Variants in IMMP2L observed in about 807,000 individuals in gnomAD.
The protein encoded by IMMP2L is mitochondrial inner membrane protease subunit 2.
IMMP2L carries 18 observed loss-of-function variants against 19.3 expected under a neutral mutation model. The observed-to-expected ratio is 0.93, with a 90% CI of 0.64 to 1.38. IMMP2L has a LOEUF of 1.38. Among genes scored for constraint, IMMP2L ranks in the 40% most tolerant of loss-of-function variants. IMMP2L has a pLI of 0.00. For missense variants in IMMP2L, 233 were observed against 218.2 expected, an observed-to-expected ratio of 1.07 and a Z score of -0.43; for synonymous variants, 76 against 73.0, an observed-to-expected ratio of 1.04 and a Z score of -0.21.
At chr7:111,042,416 A>G (rs1791986071) in intron 3 of IMMP2L, among the ~76,000 whole-genome samples, 1 of 152,126 alleles carries the variant, frequency 6.6e-6, no homozygotes, top group African/African-American at 2.4e-5. Flanking sequence ...CCTGACCTCA[A>G]GAGATCCACC....
chr7:110,859,429 A>G (rs1264373013), intron 5 of IMMP2L, among the ~76,000 whole-genome samples: 5 of 151,922 alleles, frequency 3.3e-5, no homozygotes, highest in African/African-American at 1.2e-4. Flanking sequence ...TAGTACAAAT[A>G]TTGATTTTTT....
chr7:111,300,996 G>A (rs1822168929), intron 3 of IMMP2L, among the ~76,000 whole-genome samples: 2 of 152,006 alleles, frequency 1.3e-5, no homozygotes. Context: ...TGCATGTTTA[G>A]GTTCATAGGA....
intron 5 of IMMP2L, among the ~76,000 whole-genome samples, chr7:110,875,092 G>A (rs1288215254): frequency 6.6e-6 from 1 of 152,058 alleles, no homozygotes; most frequent in East Asian, 1.9e-4. Flanking sequence ...GAATTTTGGA[G>A]GGGATTCAAA....
chr7:110,767,640 T>C (rs866314462), intron 5 of IMMP2L, among the ~76,000 whole-genome samples: 2 of 152,172 alleles, frequency 1.3e-5, no homozygotes, highest in Non-Finnish European at 2.9e-5. Context: ...TCACATACCA[T>C]ATATTCAGTC....
At chr7:110,769,939 G>A (rs932979765) in intron 5 of IMMP2L, among the ~76,000 whole-genome samples, 4 of 150,064 alleles carry the variant, frequency 2.7e-5, no homozygotes, top group Admixed American at 6.6e-5. Flanking sequence ...AAAAACCAAC[G>A]GGTTGACTAT....
chr7:110,784,634 T>C (rs1375876275), intron 5 of IMMP2L, among the ~76,000 whole-genome samples: 1 of 152,014 alleles, frequency 6.6e-6, no homozygotes, highest in Non-Finnish European at 1.5e-5. Context: ...ATCATGGTTC[T>C]AGGATAAAAA....
intron 3 of IMMP2L, among the ~76,000 whole-genome samples, chr7:111,253,530 G>A (rs1816372630): frequency 6.6e-6 from 1 of 152,168 alleles, no homozygotes; most frequent in Admixed American, 6.5e-5. Flanking sequence ...ATTTGGCTGT[G>A]AAGACTGCCA....
intron 3 of IMMP2L, among the ~76,000 whole-genome samples, chr7:111,173,567 G>A: frequency 6.6e-6 from 1 of 151,600 alleles, no homozygotes; most frequent in East Asian, 1.9e-4. Flanking sequence ...TGGTTTGGAG[G>A]CTATACACTC....
chr7:111,016,501 T>A (rs1825573166), intron 3 of IMMP2L, among the ~76,000 whole-genome samples: 1 of 122,870 alleles, frequency 8.1e-6, no homozygotes, highest in Admixed American at 1.0e-4. Context: ...ATAATATATA[T>A]TTTATGTATT....
chr7:111,194,048 G>A (rs1019195180), intron 3 of IMMP2L, among the ~76,000 whole-genome samples: 1 of 152,064 alleles, frequency 6.6e-6, no homozygotes, highest in Non-Finnish European at 1.5e-5. Context: ...CTGTCTCTTC[G>A]GGATTTGGCA....
chr7:110,954,717 T>C (rs886814896), intron 4 of IMMP2L, among the ~76,000 whole-genome samples: 4 of 152,108 alleles, frequency 2.6e-5, no homozygotes, highest in African/African-American at 9.7e-5. Flanking sequence ...TTTGTGCTCA[T>C]GGCTTCTACA....
At chr7:111,047,650 T>C (rs1792538099) in intron 3 of IMMP2L, among the ~76,000 whole-genome samples, 1 of 152,142 alleles carries the variant, frequency 6.6e-6, no homozygotes, top group Non-Finnish European at 1.5e-5. Context: ...TATGCTAATA[T>C]CTAATTATGT....
chr7:110,794,270 T>A (rs1291735900), intron 5 of IMMP2L, among the ~76,000 whole-genome samples: 1 of 152,102 alleles, frequency 6.6e-6, no homozygotes, highest in African/African-American at 2.4e-5. Flanking sequence ...AGCAGATGAA[T>A]AGATTTAGTA....
At chr7:111,224,484 T>A (rs1812865381) in intron 3 of IMMP2L, among the ~76,000 whole-genome samples, 1 of 152,202 alleles carries the variant, frequency 6.6e-6, no homozygotes, top group Non-Finnish European at 1.5e-5. Flanking sequence ...AAAGGTGTTT[T>A]AAATACCATC....
intron 4 of IMMP2L, among the ~76,000 whole-genome samples, chr7:110,937,664 T>G (rs574681297): frequency 7.9e-5 from 12 of 152,308 alleles, no homozygotes; most frequent in African/African-American, 2.9e-4. Context: ...GAAAGGTCAC[T>G]TTTTGACTCA....
chr7:111,067,911 C>A (rs1430602998), intron 3 of IMMP2L, among the ~76,000 whole-genome samples: 1 of 151,902 alleles, frequency 6.6e-6, no homozygotes, highest in Non-Finnish European at 1.5e-5. Context: ...ATAAGAGAAT[C>A]GCAGCAAGAG....
intron 3 of IMMP2L, among the ~76,000 whole-genome samples, chr7:111,292,584 T>C (rs1385180840): frequency 6.6e-6 from 1 of 152,032 alleles, no homozygotes; most frequent in African/African-American, 2.4e-5. Flanking sequence ...TGACATATTA[T>C]GTGTCACTAA....
chr7:111,461,509 T>G (rs1400063644), intron 3 of IMMP2L, among the ~76,000 whole-genome samples: 1 of 152,120 alleles, frequency 6.6e-6, no homozygotes, highest in Non-Finnish European at 1.5e-5. Context: ...GTAATCATTT[T>G]TATTCCCAAT....
chr7:110,927,325 C>T (rs1029563298), intron 4 of IMMP2L, among the ~76,000 whole-genome samples: 1 of 151,956 alleles, frequency 6.6e-6, no homozygotes, highest in Admixed American at 6.6e-5. Context: ...TACTCTTGTG[C>T]GAAAGGCATA....
Sources: gnomAD v4.1 joint callset for allele counts (sites outside exome capture counted in the v4.1 genomes callset) on GRCh38, gnomAD v4.1.1 for gene constraint, MANE v1.5 for transcripts, NCBI Gene and HGNC (gene_info 2026-07-23, HGNC 2026-07-21) for gene names.